ATG10: variants seen among roughly 807,000 people sequenced by gnomAD.
The protein encoded by ATG10 is autophagy related 10, also known as ubiquitin-like-conjugating enzyme ATG10.
ATG10 carries 30 observed loss-of-function variants against 32.1 expected under a neutral mutation model. That is an observed-to-expected ratio of 0.94 (90% CI 0.70 to 1.27). The LOEUF is 1.27. Ranked by LOEUF, ATG10 falls within the 50% of genes most tolerant of loss-of-function variation. The pLI is 0.00. For missense variants in ATG10, 233 were observed against 262.3 expected, an observed-to-expected ratio of 0.89 and a Z score of 0.77; for synonymous variants, 87 against 91.5, an observed-to-expected ratio of 0.95 and a Z score of 0.28.
At chr5:82,177,444 T>G (rs1243627287) in intron 4 of ATG10, among the ~76,000 whole-genome samples, 1 of 152,178 alleles carries the variant, frequency 6.6e-6, no homozygotes, top group Non-Finnish European at 1.5e-5. Flanking sequence ...TTCTTTGGTC[T>G]AAATATTCAG....
intron 3 of ATG10, among the ~76,000 whole-genome samples, chr5:82,143,438 G>A (rs1179954636): frequency 1.3e-5 from 2 of 152,268 alleles, no homozygotes; most frequent in East Asian, 1.9e-4. Context: ...AGTGAGAACA[G>A]TGTCTGTGGG....
intron 2 of ATG10, among the ~76,000 whole-genome samples, chr5:82,000,283 A>T (rs751778386): frequency 1.2e-4 from 19 of 152,134 alleles, no homozygotes; most frequent in Non-Finnish European, 2.4e-4. Flanking sequence ...CATATTAAAA[A>T]CCCTCAACAA....
At chr5:82,042,235 A>G (rs1186938687) in intron 2 of ATG10, among the ~76,000 whole-genome samples, 1 of 152,186 alleles carries the variant, frequency 6.6e-6, no homozygotes, top group Non-Finnish European at 1.5e-5. Context: ...CATCTTCACA[A>G]TAGTGCAGCA....
At chr5:82,063,825 C>CAGAG (rs1474875556) in intron 3 of ATG10, among the ~76,000 whole-genome samples, 2 of 152,014 alleles carry the variant, frequency 1.3e-5, no homozygotes, top group Non-Finnish European at 2.9e-5. Context: ...TGAGACCTAT[C>CAGAG]AGAGGGTAGA....
chr5:81,993,312 T>TTCC (rs1561243921), intron 2 of ATG10, among the ~76,000 whole-genome samples: 1 of 112,572 alleles, frequency 8.9e-6, no homozygotes, highest in Non-Finnish European at 1.8e-5. Context: ...CTTTCTTTCC[T>TTCC]TTCTTTCTTT....
intron 1 of ATG10, among the ~76,000 whole-genome samples, chr5:81,981,386 A>AT (rs1296345063): frequency 6.6e-6 from 1 of 152,240 alleles, no homozygotes; most frequent in Non-Finnish European, 1.5e-5. Flanking sequence ...GCTGTCTAAA[A>AT]TTTGAGGACC....
At chr5:81,996,268 G>A (rs1761660711) in intron 2 of ATG10, among the ~76,000 whole-genome samples, 1 of 152,200 alleles carries the variant, frequency 6.6e-6, no homozygotes, top group Admixed American at 6.5e-5. Flanking sequence ...GCTAAGGTCA[G>A]TGCTTAGGTG....
At chr5:82,082,228 A>C (rs907790043) in intron 3 of ATG10, among the ~76,000 whole-genome samples, 1 of 152,178 alleles carries the variant, frequency 6.6e-6, no homozygotes, top group African/African-American at 2.4e-5. Flanking sequence ...CCCTCTAAAC[A>C]TCTGTCATAT....
intron 5 of ATG10, among the ~76,000 whole-genome samples, chr5:82,191,437 C>G (rs1295184514): frequency 1.3e-5 from 2 of 152,192 alleles, no homozygotes. Flanking sequence ...TCCATGGAAG[C>G]CCTTAAGGTC....
intron 3 of ATG10, among the ~76,000 whole-genome samples, chr5:82,141,850 GA>G (rs949240420): frequency 1.6e-3 from 236 of 144,034 alleles, no homozygotes; most frequent in Middle Eastern, 7.0e-3. Flanking sequence ...AAGGCTGTTT[GA>G]AAAAAAAAAA....
chr5:82,187,207 A>T (rs1434358343), intron 5 of ATG10, among the ~76,000 whole-genome samples: 3 of 151,012 alleles, frequency 2.0e-5, no homozygotes, highest in African/African-American at 2.4e-5. Context: ...TCTCACCTTT[A>T]AAAAAAAGGC....
intron 5 of ATG10, among the ~76,000 whole-genome samples, chr5:82,247,200 T>A (rs1259276338): frequency 6.6e-6 from 1 of 152,230 alleles, no homozygotes; most frequent in Non-Finnish European, 1.5e-5. Context: ...GTTTGAAATT[T>A]TTAGCCAATA....
intron 5 of ATG10, among the ~76,000 whole-genome samples, chr5:82,246,394 G>T (rs971147386): frequency 1.3e-5 from 2 of 151,754 alleles, no homozygotes; most frequent in African/African-American, 4.8e-5. Context: ...TCTGCTAAAA[G>T]ATAGCAACTT....
At chr5:82,078,644 C>G (rs1198777461) in intron 3 of ATG10, 2 of 152,152 alleles carry the variant, frequency 1.3e-5, no homozygotes, top group Admixed American at 6.6e-5. Flanking sequence ...GGTCAAAACT[C>G]CCATGCTAAC....
intron 5 of ATG10, among the ~76,000 whole-genome samples, chr5:82,237,642 C>CA (rs750955363): frequency 3.0e-3 from 364 of 119,558 alleles, no homozygotes; most frequent in East Asian, 6.7e-3. Context: ...GATTCCTTCT[C>CA]AAAAAAAAAA....
At chr5:82,171,667 A>G (rs1743813967) in intron 4 of ATG10, among the ~76,000 whole-genome samples, 1 of 152,238 alleles carries the variant, frequency 6.6e-6, no homozygotes. Flanking sequence ...CATATCTGCT[A>G]TAGCTGCATC....
chr5:82,225,681 T>G (rs148005117), intron 5 of ATG10, among the ~76,000 whole-genome samples: 1 of 152,248 alleles, frequency 6.6e-6, no homozygotes, highest in East Asian at 1.9e-4. Flanking sequence ...CCTGGTGCCT[T>G]CCTTGCCGAT....
intron 3 of ATG10, among the ~76,000 whole-genome samples, chr5:82,102,244 A>G (rs956528163): frequency 7.9e-5 from 12 of 152,214 alleles, no homozygotes; most frequent in African/African-American, 2.9e-4. Context: ...TCAATTATAT[A>G]TGTTTCTTCA....
chr5:82,092,328 T>G (rs1159631778), intron 3 of ATG10, among the ~76,000 whole-genome samples: 2 of 152,114 alleles, frequency 1.3e-5, no homozygotes, highest in East Asian at 3.8e-4. Flanking sequence ...CAGAGGAAAA[T>G]ATAGGTTTAC....
Sources: gnomAD v4.1 joint callset for allele counts (sites outside exome capture counted in the v4.1 genomes callset) on GRCh38, gnomAD v4.1.1 for gene constraint, MANE v1.5 for transcripts, NCBI Gene and HGNC (gene_info 2026-07-23, HGNC 2026-07-21) for gene names.